Variants in NVL observed in about 807,000 individuals in gnomAD.
NVL encodes nuclear VCP like.
In NVL, 84 loss-of-function variants were observed where a neutral mutation model predicts 110.2. That is an observed-to-expected ratio of 0.76 (90% CI 0.64 to 0.91). The LOEUF (loss-of-function observed/expected upper bound fraction) is 0.91. Ranked by LOEUF, NVL falls within the 40% of genes least tolerant of loss-of-function variation. NVL has a pLI of 0.00. For synonymous variants in NVL, 354 were observed against 361.1 expected, an observed-to-expected ratio of 0.98 and a Z score of 0.22; for missense variants, 882 against 1,035.9, an observed-to-expected ratio of 0.85 and a Z score of 2.04.
intron 18 of NVL, among the ~76,000 whole-genome samples, chr1:224,264,173 C>T (rs1246816049): frequency 6.6e-6 from 1 of 151,998 alleles, no homozygotes; most frequent in Non-Finnish European, 1.5e-5. Flanking sequence ...TACGTGGATC[C>T]AAGATGAACC....
chr1:224,263,515 T>C (rs1664182530), intron 18 of NVL, among the ~76,000 whole-genome samples: 1 of 152,154 alleles, frequency 6.6e-6, no homozygotes, highest in East Asian at 1.9e-4. Context: ...TCTCCAAGTG[T>C]CCCCTATCTC....
At chr1:224,246,852 AT>A (rs1168831569) in intron 19 of NVL, among the ~76,000 whole-genome samples, 1 of 151,840 alleles carries the variant, frequency 6.6e-6, no homozygotes. Context: ...CCTGGCTAAC[AT>A]GGTAAAACCC....
intron 15 of NVL, among the ~76,000 whole-genome samples, chr1:224,285,202 C>T (rs762158207): frequency 2.2e-4 from 34 of 152,018 alleles, no homozygotes; most frequent in Non-Finnish European, 2.2e-4. Flanking sequence ...TTTGGGAGGC[C>T]GAGATGGGCG....
chr1:224,233,287 C>G lies in NVL; in HGVS notation c.2369G>C (p.Gly790Ala), dbSNP rs1476838416. The part of the protein sequence containing the change: ...AGDLRCDCYT[G>A]ADLSALVREA... ...TCGTACCAAAGCAGAGAGATCTGCGCCCCTACAATAAAATAATAGTTATCT... is the reference window on the plus strand; with the variant it reads ...TCGTACCAAAGCAGAGAGATCTGCGGCCCTACAATAAAATAATAGTTATCT... Residue 790 changes from glycine to alanine, a missense_variant and splice_region_variant, in exon 21 of 23, where the codon GGC becomes GCC. Gly to Ala is a moderately conservative substitution (Grantham distance 60). Coordinates refer to ENST00000281701, the MANE Select transcript of NVL (RefSeq NM_002533.4). The G allele has an allele frequency of 6.2e-7, 1 of 1,600,796 alleles. No individual in the cohort carries two copies. Among genetic ancestry groups the G allele is most frequent in the East Asian group, 2.2e-5 (1 of 44,660 alleles).
At chr1:224,242,487 CTTTTTTT>C (rs11385074) in intron 19 of NVL, among the ~76,000 whole-genome samples, 5 of 128,350 alleles carry the variant, frequency 3.9e-5, no homozygotes, top group Non-Finnish European at 7.8e-5. Flanking sequence ...CAAATCTATT[CTTTTTTT>C]TTTTTTTTTT....
chr1:224,307,749 AG>A (rs1669082923), intron 6 of NVL, among the ~76,000 whole-genome samples: 1 of 148,808 alleles, frequency 6.7e-6, no homozygotes, highest in Non-Finnish European at 1.5e-5. Context: ...AGAATAAACT[AG>A]GGGAACAAGA....
intron 14 of NVL, among the ~76,000 whole-genome samples, chr1:224,286,483 G>A (rs1440346904): frequency 1.3e-5 from 2 of 152,180 alleles, no homozygotes; most frequent in African/African-American, 4.8e-5. Context: ...TGGGATTACA[G>A]GCATGAGCCA....
rs375422023 is a variant in NVL at position 224,231,313 on chromosome 1, C to T, written c.2456-17G>A. On this transcript the variant is annotated splice_polypyrimidine_tract_variant and intron_variant, in intron 21 of 22. Coordinates refer to ENST00000281701, the MANE Select transcript of NVL (RefSeq NM_002533.4). The stretch of plus-strand genomic sequence containing the variant: ...TGAGTTCACCTATGGAGTAAATGCA[C>T]AAATATACACATCTCAGTATCGTAT... 6.3e-6 allele frequency: 10 copies of T among 1,584,130 alleles called. No homozygotes were observed. Among genetic ancestry groups the T allele is most frequent in the African/African-American group, 2.7e-5 (2 of 74,346 alleles).
At chr1:224,329,972 TAGTTG>T in intron 1 of NVL, 94 bp downstream of exon 1, 1 of 1,155,712 alleles carries the variant, frequency 8.7e-7, no homozygotes. Context: ...GAAAGAAGAC[TAGTTG>T]AGTTCCACCT....
chr1:224,322,101 G>A (rs2102788550), intron 2 of NVL, among the ~76,000 whole-genome samples: 1 of 152,220 alleles, frequency 6.6e-6, no homozygotes, highest in East Asian at 1.9e-4. Context: ...TTTTTTAAGA[G>A]ACAGGGTCTT....
At chr1:224,301,698 G>A (rs1471453395) in intron 9 of NVL, 1 of 352,180 alleles carries the variant, frequency 2.8e-6, no homozygotes, top group Non-Finnish European at 5.6e-6. Context: ...TACCTGTGAG[G>A]CTGAGGCAGG....
chr1:224,310,924 A>T (rs1386114497), intron 5 of NVL, among the ~76,000 whole-genome samples: 1 of 151,964 alleles, frequency 6.6e-6, no homozygotes, highest in Non-Finnish European at 1.5e-5. Flanking sequence ...GTAGAGACAG[A>T]GTCTTGCTAG....
chr1:224,321,803 A>G lies in NVL; in HGVS notation c.132-3873T>C, dbSNP rs60424016. Among the ~76,000 whole-genome samples, 1,254 of 150,882 alleles carry G rather than the reference A, an allele frequency of 8.3e-3. 23 individuals are homozygous for G. Among genetic ancestry groups the G allele is most frequent in the African/African-American group, 0.029 (1,214 of 41,228 alleles). ...ACAGTAGTCTAGACAAGAAATAATG[A>G]GGCTCTGGATTAGGCTAGTATAGTA... On this transcript the variant is annotated intron_variant, in intron 2 of 22. Transcript: ENST00000281701.
chr1:224,233,352 G>A (rs941696286), intron 20 of NVL, 63 bp from the exon 21 acceptor site: 114 of 1,301,520 alleles, frequency 8.8e-5, no homozygotes, highest in East Asian at 3.6e-4. Context: ...AAAAAAACCC[G>A]GAAAACAGTT....
chr1:224,246,999 G>A (rs376175805), intron 19 of NVL, among the ~76,000 whole-genome samples: 4 of 149,312 alleles, frequency 2.7e-5, no homozygotes, highest in South Asian at 4.2e-4. Flanking sequence ...CTGAGATCAC[G>A]CTACTGCACT....
intron 22 of NVL, among the ~76,000 whole-genome samples, chr1:224,230,603 C>CA (rs1302083657): frequency 1.3e-5 from 2 of 150,032 alleles, no homozygotes; most frequent in African/African-American, 2.5e-5. Flanking sequence ...GACTCTGTCT[C>CA]AAAAAAATAA....
intron 5 of NVL, among the ~76,000 whole-genome samples, chr1:224,310,571 T>C (rs1346347192): frequency 6.6e-6 from 1 of 152,210 alleles, no homozygotes; most frequent in Non-Finnish European, 1.5e-5. Context: ...CTTATAAACA[T>C]AAATACTGGA....
Position 224,287,828 on chromosome 1 carries a change from C to G in NVL, c.1741G>C (p.Ala581Pro). ...ATGTCTTCCAGGGCACCAATATCTG[C>G]CCATGTCACATTAGGGACAGTGACA... ...GFVTVPNVTWADIGALEDIRE... is the reference protein window; with the variant it reads ...GFVTVPNVTWPDIGALEDIRE... Residue 581 changes from alanine (A) to proline (P), a missense_variant, in exon 14 of 23, where the codon GCA (alanine) becomes CCA (proline). Coordinates refer to ENST00000281701, the MANE Select transcript of NVL (RefSeq NM_002533.4). 6.2e-7 allele frequency: 1 copy of G among 1,614,142 alleles called. No homozygotes were observed. The highest frequency in any genetic ancestry group is 1.1e-5 in the South Asian group (1 of 91,090).
In NVL at chr1:224,327,437, A is replaced by C. The variant is rs188493618; in HGVS notation, c.58-973T>G. Reference sequence around the variant, plus strand: ...CAGCCTGGGTGACAGAGCTAGACCCAGTCTCAAAAATAAAAAATTAAAATT... The same window carrying C: ...CAGCCTGGGTGACAGAGCTAGACCCCGTCTCAAAAATAAAAAATTAAAATT... On this transcript the variant is annotated intron_variant, in intron 1 of 22. Transcript: ENST00000281701. Among the ~76,000 whole-genome samples, 587 of 152,288 alleles carry C rather than the reference A, an allele frequency of 3.9e-3. 1 individual carries two copies. The highest frequency in any genetic ancestry group is 5.6e-3 in the Non-Finnish European group (380 of 68,022).
Sources: allele counts gnomAD v4.1 joint callset (sites outside exome capture counted in the v4.1 genomes callset), GRCh38; gene constraint gnomAD v4.1.1; transcripts MANE v1.5; gene names NCBI Gene and HGNC (gene_info 2026-07-23, HGNC 2026-07-21).